The following SLC17A7 variants were observed in gnomAD, a reference collection of about 807,000 sequenced individuals.
SLC17A7 encodes vesicular glutamate transporter 1.
SLC17A7 carries 15 observed loss-of-function variants against 59.1 expected under a neutral mutation model. The ratio of observed to expected loss-of-function variants is 0.25; its 90% CI spans 0.17 to 0.39. SLC17A7 has a LOEUF of 0.39. SLC17A7 is among the 10% of genes least tolerant of loss of function. The pLI, the probability that SLC17A7 is intolerant of heterozygous loss-of-function variation, is 1.00. For missense variants in SLC17A7, 499 were observed against 765.1 expected (o/e 0.65, Z 4.10); for synonymous variants, 353 against 308.9 (o/e 1.14, Z -1.50).
intron 1 of SLC17A7, among the ~76,000 whole-genome samples, chr19:49,438,982 G>A (rs954940848): frequency 2.6e-5 from 4 of 152,138 alleles, no homozygotes; most frequent in African/African-American, 9.7e-5. Context: ...TAGAGCAAGA[G>A]GACCAAGGAC....
At position 49,436,759 on chromosome 19, in the gene SLC17A7, C is replaced by G. The variant is rs574019025; in HGVS notation, c.105G>C (p.Leu35=). 1 of 1,607,674 alleles carries G rather than the reference C, an allele frequency of 6.2e-7. No individual in the cohort carries two copies. Among genetic ancestry groups the G allele is most frequent in the South Asian group, 1.1e-5 (1 of 91,060 alleles). The change falls in exon 2 of 12, where the codon CTG becomes CTC. Residue 35 remains leucine (L), a synonymous_variant. Coordinates refer to ENST00000221485, the MANE Select transcript of SLC17A7 (RefSeq NM_020309.4). The surrounding 1 kb of genome is among the most constrained non-coding windows in gnomAD (Gnocchi z 4.1). ...KRQEGAETLE[L]SADGRPVTTQ... ...TGGTCACCGGGCGCCCATCCGCACT[C>G]AGCTCCAGCGTCTCCGCGCCTTCCT...
In SLC17A7 at chr19:49,433,740, T is replaced by A; in HGVS notation, c.853A>T (p.Met285Leu). ...EDAIGESAKL[M>L]NPLTKFSTPW... ...TGGTCCCGGACCGTGAGGGGGTTCA[T>A]GAGTTTCGCGCTCTCTCCGATGGCG... The change falls in exon 7 of 12, where the codon ATG (methionine) becomes TTG (leucine). Residue 285 changes from methionine to leucine, a missense_variant. By Grantham distance (15) the Met-to-Leu change is conservative. Transcript: ENST00000221485. This position sits in a 1 kb window ranked among gnomAD's most constrained non-coding sequence, Gnocchi z 5.7. 1.9e-6 allele frequency: 3 copies of A among 1,614,112 alleles called. No individual in the cohort carries two copies. Among genetic ancestry groups the A allele is most frequent in the Non-Finnish European group, 2.5e-6 (3 of 1,180,018 alleles).
intron 1 of SLC17A7, among the ~76,000 whole-genome samples, chr19:49,439,371 C>T (rs1008984997): frequency 3.9e-5 from 6 of 152,182 alleles, no homozygotes; most frequent in African/African-American, 1.4e-4. Flanking sequence ...CGGCATCCCC[C>T]TGCCCAAGAC....
At position 49,434,886 on chromosome 19, in the gene SLC17A7, A is replaced by G. The variant is rs754038872; in HGVS notation, c.435-4T>C. On this transcript the variant is annotated splice_polypyrimidine_tract_variant and splice_region_variant and intron_variant, in intron 3 of 11. Transcript: ENST00000221485. ...CACAATAGCAAAGCCGAAAACTCTG[A>G]TGGGAAGGGTCAGAGAAAAGAATCC... 25 of 1,611,174 alleles carry G rather than the reference A, an allele frequency of 1.6e-5. No homozygotes were observed. The South Asian group carries it at 2.4e-4, about 16-fold the overall frequency.
At position 49,431,360 on chromosome 19, in the gene SLC17A7, G is replaced by T; in HGVS notation, c.1239C>A (p.Gly413=). The T allele has an allele frequency of 6.2e-7, 1 of 1,614,166 alleles. No homozygotes were observed. ...CACCAGAGATGGCGAAGCCGCTGAAGCCCACGGCTAGGACCAGGAAGGAGA... is the reference window on the plus strand; with the variant it reads ...CACCAGAGATGGCGAAGCCGCTGAATCCCACGGCTAGGACCAGGAAGGAGA... ...VAISFLVLAV[G]FSGFAISGFN... is the part of the protein sequence containing the mutation. Residue 413 remains glycine, a synonymous_variant, in exon 10 of 12, where the codon GGC becomes GGA. Coordinates refer to ENST00000221485, the MANE Select transcript of SLC17A7 (RefSeq NM_020309.4). The surrounding 1 kb of genome is among the most constrained non-coding windows in gnomAD (Gnocchi z 4.6).
intron 1 of SLC17A7, among the ~76,000 whole-genome samples, chr19:49,439,903 C>CT (rs765209608): frequency 2.2e-4 from 33 of 147,514 alleles, no homozygotes; most frequent in Non-Finnish European, 4.0e-4. Context: ...CCGCTGCCAC[C>CT]CCCCAGCCCC....
At chr19:49,441,024 C>T (rs113922658) in intron 1 of SLC17A7, among the ~76,000 whole-genome samples, 4,454 of 151,918 alleles carry the variant, frequency 0.029, 120 homozygotes, top group Non-Finnish European at 0.043. Flanking sequence ...CAGAAAGAGA[C>T]GGGGACAGAG....
chr19:49,434,849 A>G lies in SLC17A7; in HGVS notation c.468T>C (p.Thr156=). The G allele has an allele frequency of 6.2e-7, 1 of 1,614,086 alleles. No individual in the cohort carries two copies. Among genetic ancestry groups the G allele is most frequent in the African/African-American group, 1.3e-5 (1 of 75,028 alleles). Reference sequence around the variant, plus strand: ...CAGCTGAGGGGATCAGCATGTTTAGAGTGGATGTTGCCACAATAGCAAAGC... The same window carrying G: ...CAGCTGAGGGGATCAGCATGTTTAGGGTGGATGTTGCCACAATAGCAAAGC... The part of the protein sequence containing the change: ...VFGFAIVATS[T]LNMLIPSAAR... The change falls in exon 4 of 12, where the codon ACT becomes ACC. Residue 156 remains threonine, a synonymous_variant. Coordinates refer to ENST00000221485, the MANE Select transcript of SLC17A7 (RefSeq NM_020309.4).
rs112656149 is a variant in SLC17A7 at position 49,430,642 on chromosome 19, G to C, written c.1560C>G (p.Asp520Glu). The change falls in exon 12 of 12, where the codon GAC (aspartate) becomes GAG (glutamate). Residue 520 changes from aspartate (D) to glutamate (E), a missense_variant. Physicochemically the swap from Asp to Glu is conservative, Grantham distance 45. Around this residue, in one of 3 missense-constraint regions of SLC17A7, gnomAD observed 98 missense variants for 77.5 expected, o/e 1.27. Transcript: ENST00000221485. ...FVGHDQLAGS[D>E]DSEMEDEAEP... ...CAGCCTCATCCTCCATTTCGCTGTC[G>C]TCACTGCCAGCCAGCTGGTCATGGC... 7 of 1,614,088 alleles carry C rather than the reference G, an allele frequency of 4.3e-6. No individual in the cohort carries two copies. Among genetic ancestry groups the C allele is most frequent in the Middle Eastern group, 1.7e-4 (1 of 6,060 alleles).
In SLC17A7 at chr19:49,435,281, G is replaced by A. The variant is rs748700381; in HGVS notation, c.321C>T (p.Ala107=). Residue 107 remains alanine, a synonymous_variant, in exon 3 of 12, where the codon GCC becomes GCT. Transcript: ENST00000221485. ...HRGGHVVVQK[A]QFSWDPETVG... is the part of the protein sequence containing the mutation. Reference sequence around the variant, plus strand: ...CAGTCTCTGGATCCCAGCTGAACTGGGCTTTCTGCGGGCCAAAATGTACAT... The same window carrying A: ...CAGTCTCTGGATCCCAGCTGAACTGAGCTTTCTGCGGGCCAAAATGTACAT... The A allele has an allele frequency of 1.2e-6, 2 of 1,612,668 alleles. No homozygotes were observed. Among genetic ancestry groups the A allele is most frequent in the Non-Finnish European group, 1.7e-6 (2 of 1,178,830 alleles).
chr19:49,432,684 T>A (rs766348339), intron 8 of SLC17A7, 33 bp from the exon 9 acceptor site: 1 of 1,606,156 alleles, frequency 6.2e-7, no homozygotes, highest in Non-Finnish European at 8.5e-7. Context: ...ACACTAGGGT[T>A]CGGGGCCGCC....
chr19:49,431,167 C>T lies in SLC17A7; in HGVS notation c.1262-25G>A. On this transcript the variant is annotated intron_variant, in intron 10 of 11. Coordinates refer to ENST00000221485, the MANE Select transcript of SLC17A7 (RefSeq NM_020309.4). The surrounding 1 kb of genome is among the most constrained non-coding windows in gnomAD (Gnocchi z 4.6). ...CCTGGCGGAGAGACAAGTCGGAAGG[C>T]GTCACACCGGAATCTCACTCGAGTG... is the stretch of plus-strand genomic sequence containing the variant. The T allele has an allele frequency of 1.2e-6, 2 of 1,605,666 alleles. No individual in the cohort carries two copies. Among genetic ancestry groups the T allele is most frequent in the Admixed American group, 1.7e-5 (1 of 59,534 alleles).
chr19:49,432,916 G>C lies in SLC17A7; in HGVS notation c.912C>G (p.Val304=), dbSNP rs191436004. 2.3e-4 allele frequency: 372 copies of C among 1,606,260 alleles called. 1 individual carries two copies. The highest frequency in any genetic ancestry group is 1.3e-3 in the Middle Eastern group (8 of 6,056). Reference sequence around the variant, plus strand: ...AGAAGTTGGCCACGATGATGGCATAGACTGGCATAGACGTGAAGAAGCGCC... The same window carrying C: ...AGAAGTTGGCCACGATGATGGCATACACTGGCATAGACGTGAAGAAGCGCC... ...PWRRFFTSMP[V]YAIIVANFCR... Residue 304 remains valine (V), a synonymous_variant, in exon 8 of 12, where the codon GTC becomes GTG. Coordinates refer to ENST00000221485, the MANE Select transcript of SLC17A7 (RefSeq NM_020309.4).
At position 49,430,522 on chromosome 19, in the gene SLC17A7, G is replaced by C; in HGVS notation, c.1680C>G (p.Tyr560Ter). ...CCATTCAGTGGGAGGCACATGGTCAGTAGTCCCGGACAGGGGGTGGGGGCC... is the reference window on the plus strand; with the variant it reads ...CCATTCAGTGGGAGGCACATGGTCACTAGTCCCGGACAGGGGGTGGGGGCC... ...PPRPPPPVRD[Y>*] is the part of the protein sequence containing the mutation. The change falls in exon 12 of 12, where the codon TAC (tyrosine) becomes TAG (stop). Residue 560 changes from tyrosine (Y) to a stop codon, truncating the protein, a stop_gained. Coordinates refer to ENST00000221485, the MANE Select transcript of SLC17A7 (RefSeq NM_020309.4). LOFTEE classifies it high-confidence loss of function. The C allele has an allele frequency of 1.3e-6, 2 of 1,568,224 alleles. No homozygotes were observed. The highest frequency in any genetic ancestry group is 1.7e-6 in the Non-Finnish European group (2 of 1,156,074).
At position 49,436,716 on chromosome 19, in the gene SLC17A7, G is replaced by A; in HGVS notation, c.148C>T (p.Pro50Ser). The A allele has an allele frequency of 6.2e-7, 1 of 1,612,696 alleles. No individual in the cohort carries two copies. Among genetic ancestry groups the A allele is most frequent in the Non-Finnish European group, 8.5e-7 (1 of 1,179,966 alleles). The change falls in exon 2 of 12, where the codon CCG (proline) becomes TCG (serine). Residue 50 changes from proline (P) to serine (S), a missense_variant. By Grantham distance (74) the Pro-to-Ser change is moderately conservative. Coordinates refer to ENST00000221485, the MANE Select transcript of SLC17A7 (RefSeq NM_020309.4). The surrounding 1 kb of genome is among the most constrained non-coding windows in gnomAD (Gnocchi z 4.1). ...RPVTTQTRDP[P>S]VVDCTCFGLP... is the part of the protein sequence containing the mutation. ...CCGAAGCAGGTGCAGTCCACCACCGGCGGGTCCCGGGTCTGCGTGGTCACC... is the reference window on the plus strand; with the variant it reads ...CCGAAGCAGGTGCAGTCCACCACCGACGGGTCCCGGGTCTGCGTGGTCACC...
intron 1 of SLC17A7, among the ~76,000 whole-genome samples, chr19:49,440,434 G>A (rs2078995824): frequency 6.6e-6 from 1 of 152,168 alleles, no homozygotes; most frequent in Non-Finnish European, 1.5e-5. Flanking sequence ...GAGAGCCTGT[G>A]GGGAGGTGTC....
chr19:49,436,567 C>T lies in SLC17A7; in HGVS notation c.297G>A (p.Gly99=), dbSNP rs751595362. ...GAGCTACCTGCACCACCACGTGGCC[C>T]CCGCGGTGGGTCGTGCTGTTATTGA... The part of the protein sequence containing the change: ...SMVNNSTTHR[G]GHVVVQKAQF... Residue 99 remains glycine, a synonymous_variant, in exon 2 of 12, where the codon GGG becomes GGA. Coordinates refer to ENST00000221485, the MANE Select transcript of SLC17A7 (RefSeq NM_020309.4). This position sits in a 1 kb window ranked among gnomAD's most constrained non-coding sequence, Gnocchi z 4.1. The T allele has an allele frequency of 3.7e-6, 6 of 1,613,538 alleles. No individual in the cohort carries two copies. The South Asian group carries it at 6.6e-5, about 18-fold the overall frequency.
chr19:49,435,447 A>T (rs1051932113), intron 2 of SLC17A7, 161 bp from the exon 3 acceptor site: 2 of 616,506 alleles, frequency 3.2e-6, no homozygotes, highest in African/African-American at 3.7e-5. Context: ...TCTGTCAATT[A>T]AAGTCTACAA....
Position 49,430,553 on chromosome 19 carries a change from G to A in SLC17A7, c.1649C>T (p.Pro550Leu), listed in dbSNP as rs769187698. The change falls in exon 12 of 12, where the codon CCC becomes CTC. Residue 550 changes from proline to leucine, a missense_variant. Pro to Leu is a moderately conservative substitution (Grantham distance 98). This residue lies in a region of SLC17A7 where 98 missense variants were observed against 77.5 expected (regional missense o/e 1.27). Transcript: ENST00000221485. The stretch of plus-strand genomic sequence containing the variant: ...CCGGACAGGGGGTGGGGGCCTGGGG[G>A]GCTGAAATGTGCTGTGTGTGGCCCC... The part of the protein sequence containing the change: ...SYGATHSTFQ[P>L]PRPPPPVRDY 3.8e-6 allele frequency: 6 copies of A among 1,599,806 alleles called. No individual in the cohort carries two copies. The African/African-American group carries it at 4.0e-5, about 11-fold the overall frequency.
Sources: allele counts gnomAD v4.1 joint callset (sites outside exome capture counted in the v4.1 genomes callset), GRCh38; gene constraint gnomAD v4.1.1; regional missense constraint gnomAD v4.1.1; non-coding constraint Gnocchi (gnomAD v3.1); transcripts MANE v1.5; gene names NCBI Gene and HGNC (gene_info 2026-07-23, HGNC 2026-07-21).